FUT9: variants seen among roughly 807,000 people sequenced by gnomAD.
The protein encoded by FUT9 is fucosyltransferase 9.
FUT9 carries 15 observed loss-of-function variants against 29.7 expected under a neutral mutation model. That is an observed-to-expected ratio of 0.51 (90% CI 0.34 to 0.78). The LOEUF (loss-of-function observed/expected upper bound fraction) is 0.78. FUT9 is among the 30% of genes least tolerant of loss of function. The pLI is 0.01. For synonymous variants in FUT9, 169 were observed against 153.7 expected (o/e 1.10, Z -0.74); for missense variants, 319 against 425.4 (o/e 0.75, Z 2.20).
chr6:96,080,157 AT>A (rs1771210790), intron 1 of FUT9, among the ~76,000 whole-genome samples: 1 of 151,892 alleles, frequency 6.6e-6, no homozygotes, highest in African/African-American at 2.4e-5. Flanking sequence ...TCAACATTTT[AT>A]TTTTGCTAGT....
At chr6:96,070,224 G>A (rs1771035275) in intron 1 of FUT9, among the ~76,000 whole-genome samples, 1 of 152,092 alleles carries the variant, frequency 6.6e-6, no homozygotes, top group South Asian at 2.1e-4. Context: ...TACATTCTTT[G>A]TCCCAGAATT....
At chr6:96,144,281 T>G (rs1381392840) in intron 2 of FUT9, among the ~76,000 whole-genome samples, 2 of 152,190 alleles carry the variant, frequency 1.3e-5, no homozygotes, top group African/African-American at 2.4e-5. Flanking sequence ...CTTCCAGTGT[T>G]GCCCATAAAG....
Position 96,214,913 on chromosome 6 carries a change from CTG to C in FUT9, c.*10680_*10681del, listed in dbSNP as rs895572998. ...TTAGTATAATGATAAGAAAAATTGACTGTAGCTATTATTCCAAGTGAAAATCA... is the reference window on the plus strand; with the variant it reads ...TTAGTATAATGATAAGAAAAATTGACTAGCTATTATTCCAAGTGAAAATCA... On this transcript the variant is annotated 3_prime_UTR_variant, in exon 3 of 3. Coordinates refer to ENST00000302103, the MANE Select transcript of FUT9 (RefSeq NM_006581.4). The C allele has an allele frequency of 7.2e-5, 12 of 166,958 alleles. No homozygotes were observed. The Admixed American group carries it at 7.9e-4, about 11-fold the overall frequency. 10.3% of individuals were successfully genotyped at this position (166,958 alleles called of 1,614,324 possible). A position where few individuals can be genotyped will look rare whatever the true frequency, so the allele number is the denominator to read the frequency against.
At chr6:96,137,153 G>A (rs1772363265) in intron 2 of FUT9, among the ~76,000 whole-genome samples, 1 of 151,962 alleles carries the variant, frequency 6.6e-6, no homozygotes, top group Admixed American at 6.6e-5. Flanking sequence ...TGGAAACCAT[G>A]AGACACAACA....
intron 1 of FUT9, among the ~76,000 whole-genome samples, chr6:96,033,782 G>A (rs2127928003): frequency 6.6e-6 from 1 of 151,566 alleles, no homozygotes; most frequent in African/African-American, 2.4e-5. Flanking sequence ...ACACATATTT[G>A]TTCTTATGTA....
chr6:96,185,150 AT>A (rs5878425), intron 2 of FUT9, among the ~76,000 whole-genome samples: 22 of 149,404 alleles, frequency 1.5e-4, no homozygotes, highest in Middle Eastern at 3.5e-3. Context: ...TATTTTTAGA[AT>A]TTTTTTTTTT....
intron 2 of FUT9, among the ~76,000 whole-genome samples, chr6:96,116,592 C>T (rs1452830735): frequency 6.6e-6 from 1 of 152,098 alleles, no homozygotes; most frequent in African/African-American, 2.4e-5. Context: ...AAGGGGAATA[C>T]TATTCAAATA....
At chr6:96,083,948 A>C (rs1044650244) in intron 1 of FUT9, among the ~76,000 whole-genome samples, 3 of 152,066 alleles carry the variant, frequency 2.0e-5, no homozygotes, top group African/African-American at 7.2e-5. Flanking sequence ...AGCATAGAAA[A>C]GGTGAACATT....
chr6:96,058,350 G>T (rs966881603), intron 1 of FUT9, among the ~76,000 whole-genome samples: 3 of 151,174 alleles, frequency 2.0e-5, no homozygotes, highest in African/African-American at 7.3e-5. Flanking sequence ...TTTAAAGCTA[G>T]AAAGGAACCC....
At chr6:96,045,421 A>G (rs1245150870) in intron 1 of FUT9, among the ~76,000 whole-genome samples, 1 of 152,230 alleles carries the variant, frequency 6.6e-6, no homozygotes, top group African/African-American at 2.4e-5. Flanking sequence ...ATGTTGTTCC[A>G]TGTGCCACAT....
chr6:96,096,066 A>C (rs1771489477), intron 1 of FUT9, among the ~76,000 whole-genome samples: 1 of 152,118 alleles, frequency 6.6e-6, no homozygotes, highest in African/African-American at 2.4e-5. Flanking sequence ...ATATCCAACT[A>C]CCTATACAAT....
chr6:96,134,577 A>C (rs752061519), intron 2 of FUT9, among the ~76,000 whole-genome samples: 118 of 152,084 alleles, frequency 7.8e-4, no homozygotes, highest in Non-Finnish European at 1.4e-3. Context: ...CCAATTACTG[A>C]ATGCTATTTG....
At chr6:96,108,225 T>A (rs1224775422) in intron 1 of FUT9, among the ~76,000 whole-genome samples, 5 of 152,142 alleles carry the variant, frequency 3.3e-5, no homozygotes, top group African/African-American at 1.2e-4. Context: ...AATTTTCTTT[T>A]CCATGTACAT....
chr6:96,055,830 C>A (rs1770756455), intron 1 of FUT9, among the ~76,000 whole-genome samples: 1 of 151,602 alleles, frequency 6.6e-6, no homozygotes, highest in East Asian at 1.9e-4. Flanking sequence ...AAGGTGTGAG[C>A]CACTGACCCT....
At chr6:96,198,638 T>C (rs2127990401) in intron 2 of FUT9, among the ~76,000 whole-genome samples, 1 of 152,140 alleles carries the variant, frequency 6.6e-6, no homozygotes, top group East Asian at 1.9e-4. Flanking sequence ...TACCCAGTAA[T>C]GCGATGGCTG....
At chr6:96,199,290 T>G (rs1399832968) in intron 2 of FUT9, among the ~76,000 whole-genome samples, 1 of 152,096 alleles carries the variant, frequency 6.6e-6, no homozygotes, top group Non-Finnish European at 1.5e-5. Context: ...TGAAAAGGAT[T>G]CTGTCAAGGA....
intron 2 of FUT9, among the ~76,000 whole-genome samples, chr6:96,127,436 A>G (rs1772153956): frequency 6.6e-6 from 1 of 152,026 alleles, no homozygotes; most frequent in Admixed American, 6.5e-5. Context: ...TATCCATTCT[A>G]TCATTGATGA....
intron 2 of FUT9, among the ~76,000 whole-genome samples, chr6:96,158,758 A>C (rs7764879): frequency 0.91 from 138,816 of 151,896 alleles, 64,729 homozygotes; most frequent in Non-Finnish European, 1. Flanking sequence ...TTCTTCTATA[A>C]AATAAATGAC....
At chr6:96,170,051 G>A (rs1773083194) in intron 2 of FUT9, among the ~76,000 whole-genome samples, 2 of 152,090 alleles carry the variant, frequency 1.3e-5, no homozygotes, top group Non-Finnish European at 2.9e-5. Context: ...ACTGAAAAAT[G>A]CTTGCATTCT....
Sources: allele counts gnomAD v4.1 joint callset (sites outside exome capture counted in the v4.1 genomes callset), GRCh38; gene constraint gnomAD v4.1.1; transcripts MANE v1.5; gene names NCBI Gene and HGNC (gene_info 2026-07-23, HGNC 2026-07-21).